Variants in NLRP5 observed in about 807,000 individuals in gnomAD.
NLRP5 encodes the protein NLR family pyrin domain containing 5, also known as NACHT, LRR and PYD domains-containing protein 5.
NLRP5 carries 93 observed loss-of-function variants against 113.1 expected under a neutral mutation model. The ratio of observed to expected loss-of-function variants is 0.82; its 90% CI spans 0.70 to 0.98. The LOEUF (loss-of-function observed/expected upper bound fraction) is 0.98, where lower values mean the gene tolerates loss of function less well. Among genes scored for constraint, NLRP5 ranks in the 50% least tolerant of loss-of-function variants. The probability of loss-of-function intolerance (pLI) is 0.00; values close to 1 mark genes in which losing one functional copy is unlikely to be tolerated. For missense variants in NLRP5, 1,808 were observed against 1,514.3 expected, an observed-to-expected ratio of 1.19 and a Z score of -3.22; for synonymous variants, 751 against 600.7, an observed-to-expected ratio of 1.25 and a Z score of -3.66.
chr19:55,987,732 T>C, the NLRP5 span: 16 of 1,014,042 alleles, frequency 1.6e-5, no homozygotes, highest in Non-Finnish European at 2.4e-5. Context: ...AGAAAAAGCA[T>C]AGAGACAAAA....
intron 4 of NLRP5, 32 bp from the exon 5 acceptor site, chr19:56,019,304 TAAACAC>T: frequency 6.2e-7 from 1 of 1,612,528 alleles, no homozygotes; most frequent in Non-Finnish European, 8.5e-7. Flanking sequence ...ACTCAAATAA[TAAACAC>T]AAGTATGTTG....
chr19:56,043,844 TG>T (rs2123327337), intron 11 of NLRP5, among the ~76,000 whole-genome samples: 2 of 151,472 alleles, frequency 1.3e-5, no homozygotes, highest in East Asian at 3.9e-4. Flanking sequence ...CCCAAAGTGC[TG>T]GGATTACAGG....
chr19:56,059,319 C>A (rs1036987315), intron 14 of NLRP5, among the ~76,000 whole-genome samples: 1 of 152,182 alleles, frequency 6.6e-6, no homozygotes, highest in Non-Finnish European at 1.5e-5. Flanking sequence ...AAGTTTCTTT[C>A]ATGACAAAGT....
intron 4 of NLRP5, among the ~76,000 whole-genome samples, chr19:56,016,074 A>G (rs139258705): frequency 7.3e-4 from 111 of 152,348 alleles, no homozygotes; most frequent in African/African-American, 2.6e-3. Flanking sequence ...ATACACGCAT[A>G]TATTGTAGAA....
At chr19:56,046,989 C>G (rs1983752067) in intron 11 of NLRP5, among the ~76,000 whole-genome samples, 1 of 152,174 alleles carries the variant, frequency 6.6e-6, no homozygotes, top group Non-Finnish European at 1.5e-5. Flanking sequence ...TTGGATCTTT[C>G]TAGGAATTTA....
chr19:56,024,441 ATATT>A (rs905972428), intron 6 of NLRP5, among the ~76,000 whole-genome samples: 9 of 146,698 alleles, frequency 6.1e-5, no homozygotes, highest in African/African-American at 1.0e-4. Flanking sequence ...ACATATACAT[ATATT>A]TATATATACG....
rs372007561 is a variant in NLRP5, at chr19:56,005,458, TAC to T, written c.442+1373_442+1374del. On this transcript the variant is annotated intron_variant, in intron 2 of 14. Coordinates refer to ENST00000390649, the MANE Select transcript of NLRP5 (RefSeq NM_153447.4). The stretch of plus-strand genomic sequence containing the variant: ...TTATATATACACATATATTTTTATA[TAC>T]ACACACACATATTTATACACACACA... Among the ~76,000 whole-genome samples, 306 of 134,326 alleles carry T rather than the reference TAC, an allele frequency of 2.3e-3. 8 individuals are homozygous for T. Among genetic ancestry groups the T allele is most frequent in the South Asian group, 4.9e-3 (20 of 4,118 alleles). The allele number at this position is 134,326 out of a possible 152,430, so 88.1% of individuals were successfully genotyped here. A position where few individuals can be genotyped will look rare whatever the true frequency, so the allele number is the denominator to read the frequency against.
chr19:56,056,902 G>A (rs1010064497), intron 13 of NLRP5, among the ~76,000 whole-genome samples: 2 of 152,322 alleles, frequency 1.3e-5, no homozygotes, highest in South Asian at 2.1e-4. Flanking sequence ...CACTTTGGGA[G>A]GCTGAGGCCA....
intron 3 of NLRP5, 59 bp downstream of exon 3, chr19:56,008,912 T>A: frequency 6.9e-7 from 1 of 1,451,654 alleles, no homozygotes; most frequent in Non-Finnish European, 9.6e-7. Flanking sequence ...GCAGCCAGTT[T>A]GCATCTCTAG....
At chr19:56,007,914 T>C (rs753317978) in intron 2 of NLRP5, among the ~76,000 whole-genome samples, 2,277 of 29,446 alleles carry the variant, frequency 0.077, 255 homozygotes, top group Middle Eastern at 0.097. Flanking sequence ...CGTGTGTGTG[T>C]GTGTGTGTGT....
chr19:55,988,538 T>G, the NLRP5 span: 1 of 150,600 alleles, frequency 6.6e-6, no homozygotes, highest in South Asian at 2.1e-4. Context: ...CTTCATCGTC[T>G]TCTTGCTTCT....
intron 7 of NLRP5, among the ~76,000 whole-genome samples, chr19:56,029,369 C>A (rs1468897478): frequency 2.0e-5 from 3 of 152,088 alleles, no homozygotes; most frequent in Non-Finnish European, 2.9e-5. Flanking sequence ...CGGGTTCAAG[C>A]GATTCTCCTG....
In NLRP5 at chr19:56,037,955, T is replaced by C. The variant is rs2123319561; in HGVS notation, c.2616-70T>C. The C allele has an allele frequency of 2.0e-6, 3 of 1,525,588 alleles. No individual in the cohort carries two copies. In the East Asian group the frequency reaches 6.8e-5, roughly 34 times the overall value. The allele number at this position is 1,525,588 out of a possible 1,614,324, so 94.5% of individuals were successfully genotyped here. On this transcript the variant is annotated intron_variant, in intron 9 of 14. Transcript: ENST00000390649. ...GAAAACGGCCAGCGCTGCTGGCGTG[T>C]GCTGAGTAGAGGGGAAATGGGCTGC...
chr19:56,026,527 C>CAAAAA (rs375845864), intron 6 of NLRP5, among the ~76,000 whole-genome samples: 502 of 40,304 alleles, frequency 0.012, 35 homozygotes, highest in Middle Eastern at 0.029. Flanking sequence ...GACTCCATCT[C>CAAAAA]AAAAAAAAAA....
intron 1 of NLRP5, among the ~76,000 whole-genome samples, chr19:56,002,614 C>A (rs993180145): frequency 1.3e-5 from 2 of 149,838 alleles, no homozygotes; most frequent in Non-Finnish European, 2.9e-5. Context: ...ATCGCTCCCC[C>A]CTCCCCCAAC....
intron 1 of NLRP5, 65 bp from the exon 2 acceptor site, chr19:56,003,671 T>G (rs1334067946): frequency 6.5e-7 from 1 of 1,536,826 alleles, no homozygotes; most frequent in East Asian, 2.3e-5. Context: ...GTGATTGATG[T>G]TAGTTGTATC....
chr19:56,028,765 T>G (rs1454496113), intron 7 of NLRP5, among the ~76,000 whole-genome samples: 1 of 151,954 alleles, frequency 6.6e-6, no homozygotes, highest in Non-Finnish European at 1.5e-5. Context: ...CAGGAATATG[T>G]GGTTTATTTT....
In NLRP5 at chr19:56,009,265, G is replaced by A. The variant is rs1002559506; in HGVS notation, c.508+412G>A. On this transcript the variant is annotated intron_variant, in intron 3 of 14. Transcript: ENST00000390649. ...GGAGGCAGGAGAATCACTTGGACCC[G>A]GTAGGCAGAGGTTGCAGTGAGCCGA... Among the ~76,000 whole-genome samples the A allele has an allele frequency of 3.8e-4, 54 of 141,472 alleles. 1 individual carries two copies. Among genetic ancestry groups the A allele is most frequent in the Non-Finnish European group, 3.6e-4 (24 of 66,044 alleles). The allele number at this position is 141,472 out of a possible 152,430, so 92.8% of individuals were successfully genotyped here.
At chr19:56,058,767 C>A (rs1984249824) in intron 14 of NLRP5, among the ~76,000 whole-genome samples, 1 of 152,212 alleles carries the variant, frequency 6.6e-6, no homozygotes, top group South Asian at 2.1e-4. Flanking sequence ...TCAGATTTCA[C>A]ACCCATGTTC....
Sources: allele counts gnomAD v4.1 joint callset (sites outside exome capture counted in the v4.1 genomes callset), GRCh38; gene constraint gnomAD v4.1.1; transcripts MANE v1.5; gene names NCBI Gene and HGNC (gene_info 2026-07-23, HGNC 2026-07-21).